Variants in PIK3C2G observed in about 807,000 individuals in gnomAD.
PIK3C2G encodes the protein phosphatidylinositol 3-kinase C2 domain-containing subunit gamma.
In PIK3C2G, 168 loss-of-function variants were observed where a neutral mutation model predicts 181.1. The observed-to-expected ratio is 0.93, with a 90% CI of 0.82 to 1.05. The LOEUF (loss-of-function observed/expected upper bound fraction) is 1.05. Ranked by LOEUF, PIK3C2G falls within the 50% of genes least tolerant of loss-of-function variation. PIK3C2G has a pLI of 0.00. For missense variants in PIK3C2G, 1,869 were observed against 1,732.8 expected, an observed-to-expected ratio of 1.08 and a Z score of -1.40; for synonymous variants, 573 against 592.2, an observed-to-expected ratio of 0.97 and a Z score of 0.47.
chr12:18,379,475 G>T (rs1010345940), intron 13 of PIK3C2G, among the ~76,000 whole-genome samples: 14 of 152,252 alleles, frequency 9.2e-5, no homozygotes, highest in African/African-American at 3.4e-4. Flanking sequence ...TAACAAGCCT[G>T]CACGTTGTGC....
At chr12:18,608,732 T>C (rs886265444) in intron 30 of PIK3C2G, among the ~76,000 whole-genome samples, 2 of 151,846 alleles carry the variant, frequency 1.3e-5, no homozygotes, top group Non-Finnish European at 2.9e-5. Context: ...AGAATAAAAG[T>C]GGGAAATAAA....
At chr12:18,253,891 C>G (rs992214048) in intron 1 of PIK3C2G, among the ~76,000 whole-genome samples, 1 of 150,716 alleles carries the variant, frequency 6.6e-6, no homozygotes, top group African/African-American at 2.4e-5. Flanking sequence ...TTAGCCAAAC[C>G]TTATCTTCTG....
the PIK3C2G span, chr12:18,683,293 C>T: frequency 1.2e-6 from 2 of 1,612,462 alleles, no homozygotes; most frequent in East Asian, 4.5e-5. Context: ...GGCTCTCACC[C>T]ATTCTGGAAA....
the PIK3C2G span, chr12:18,692,720 A>T: frequency 1.2e-6 from 1 of 822,826 alleles, no homozygotes; most frequent in Admixed American, 2.3e-5. Flanking sequence ...TGAATCATCA[A>T]CATAAAGAAA....
At chr12:18,287,614 G>C (rs1002503776) in intron 3 of PIK3C2G, among the ~76,000 whole-genome samples, 4 of 152,100 alleles carry the variant, frequency 2.6e-5, no homozygotes, top group African/African-American at 9.7e-5. Flanking sequence ...CCAGCACTTT[G>C]GGAGGCCAAG....
chr12:18,573,262 C>A (rs533393323), intron 29 of PIK3C2G, among the ~76,000 whole-genome samples: 3 of 152,162 alleles, frequency 2.0e-5, no homozygotes, highest in African/African-American at 4.8e-5. Flanking sequence ...AATTCAATTG[C>A]AGCAATTCAG....
intron 18 of PIK3C2G, among the ~76,000 whole-genome samples, chr12:18,457,161 G>A (rs2135918918): frequency 6.6e-6 from 1 of 152,250 alleles, no homozygotes; most frequent in African/African-American, 2.4e-5. Flanking sequence ...TGGATAGAAG[G>A]AAGATACACA....
chr12:18,418,691 C>T (rs1945311666), intron 16 of PIK3C2G, among the ~76,000 whole-genome samples: 1 of 152,008 alleles, frequency 6.6e-6, no homozygotes, highest in Non-Finnish European at 1.5e-5. Context: ...CAACAGAACT[C>T]GGCAACTGAT....
At chr12:18,321,911 G>C (rs760843261) in intron 7 of PIK3C2G, among the ~76,000 whole-genome samples, 6 of 152,114 alleles carry the variant, frequency 3.9e-5, no homozygotes, top group Non-Finnish European at 8.8e-5. Context: ...GACACAGGGA[G>C]GGGAACAACA....
At chr12:18,573,945 C>G (rs1321418872) in intron 29 of PIK3C2G, among the ~76,000 whole-genome samples, 3 of 152,160 alleles carry the variant, frequency 2.0e-5, no homozygotes, top group Non-Finnish European at 4.4e-5. Context: ...ATGCTAAACC[C>G]TAATTCTGTC....
intron 1 of PIK3C2G, among the ~76,000 whole-genome samples, chr12:18,262,816 T>A (rs1948306439): frequency 6.6e-6 from 1 of 152,128 alleles, no homozygotes; most frequent in African/African-American, 2.4e-5. Flanking sequence ...GGTACAATTC[T>A]CTCAGAGCTT....
intron 26 of PIK3C2G, among the ~76,000 whole-genome samples, chr12:18,551,744 T>A (rs1944741044): frequency 6.6e-6 from 1 of 152,118 alleles, no homozygotes; most frequent in African/African-American, 2.4e-5. Context: ...GGAGTCAAAC[T>A]GTAAGCTAAG....
chr12:18,545,472 A>C (rs369879573), intron 25 of PIK3C2G, among the ~76,000 whole-genome samples: 12 of 151,748 alleles, frequency 7.9e-5, no homozygotes, highest in African/African-American at 2.9e-4. Context: ...TAAATAATTT[A>C]TCATCTTAGT....
chr12:18,666,160 G>GA, the PIK3C2G span, among the ~76,000 whole-genome samples: 2 of 151,156 alleles, frequency 1.3e-5, no homozygotes, highest in African/African-American at 2.4e-5. Flanking sequence ...TAACACAAAA[G>GA]AAAAAAATTA....
At chr12:18,325,437 G>A (rs185359060) in intron 8 of PIK3C2G, among the ~76,000 whole-genome samples, 9 of 152,022 alleles carry the variant, frequency 5.9e-5, no homozygotes, top group South Asian at 2.1e-4. Context: ...GATAACTTTC[G>A]GCAAAGAACA....
intron 32 of PIK3C2G, among the ~76,000 whole-genome samples, chr12:18,642,786 CTGTG>C (rs56095750): frequency 0.069 from 9,881 of 143,092 alleles, 383 homozygotes; most frequent in Middle Eastern, 0.18. Flanking sequence ...ATAAGTGACA[CTGTG>C]TGTGTGTGTG....
chr12:18,676,218 T>A, the PIK3C2G span, among the ~76,000 whole-genome samples: 1 of 152,154 alleles, frequency 6.6e-6, no homozygotes, highest in Non-Finnish European at 1.5e-5. Flanking sequence ...GTCCTAATCA[T>A]GTTGTTTGAC....
intron 18 of PIK3C2G, among the ~76,000 whole-genome samples, chr12:18,459,881 G>A (rs963749141): frequency 6.6e-6 from 1 of 152,066 alleles, no homozygotes; most frequent in Non-Finnish European, 1.5e-5. Flanking sequence ...TCCTGCCTCA[G>A]CCTCCCAAGT....
chr12:18,568,019 CT>C, intron 29 of PIK3C2G, among the ~76,000 whole-genome samples: 1 of 152,126 alleles, frequency 6.6e-6, no homozygotes, highest in South Asian at 2.1e-4. Flanking sequence ...TCTTCTTTGG[CT>C]CAAATTCTGA....
Sources: allele counts gnomAD v4.1 joint callset (sites outside exome capture counted in the v4.1 genomes callset), GRCh38; gene constraint gnomAD v4.1.1; transcripts MANE v1.5; gene names NCBI Gene and HGNC (gene_info 2026-07-23, HGNC 2026-07-21).